SORCS2: variants seen among roughly 807,000 people sequenced by gnomAD.
SORCS2 encodes the protein VPS10 domain-containing receptor SorCS2.
Under a neutral mutation model 141.6 loss-of-function variants are expected in SORCS2, and 100 were observed. The ratio of observed to expected loss-of-function variants is 0.71; its 90% confidence interval spans 0.60 to 0.83. The LOEUF (loss-of-function observed/expected upper bound fraction) is 0.83, where lower values mean the gene tolerates loss of function less well. Among genes scored for constraint, SORCS2 ranks in the 40% least tolerant of loss-of-function variants. The pLI is 0.00. For missense variants in SORCS2, 1,646 were observed against 1,560.2 expected, an observed-to-expected ratio of 1.05 and a Z score of -0.93; for synonymous variants, 789 against 676.9, an observed-to-expected ratio of 1.17 and a Z score of -2.57.
chr4:7,488,786 C>A (rs746811131), intron 2 of SORCS2, among the ~76,000 whole-genome samples: 7 of 152,222 alleles, frequency 4.6e-5, no homozygotes, highest in Non-Finnish European at 7.3e-5. Context: ...CTTCCTGTTG[C>A]TCCTGTCTTC....
intron 2 of SORCS2, among the ~76,000 whole-genome samples, chr4:7,473,794 C>T (rs1187244753): frequency 1.3e-5 from 2 of 151,992 alleles, no homozygotes; most frequent in Non-Finnish European, 2.9e-5. Context: ...ACCAGGGACC[C>T]GGAGGCTGGT....
chr4:7,713,536 A>G (rs1276154699), intron 15 of SORCS2, among the ~76,000 whole-genome samples: 1 of 152,170 alleles, frequency 6.6e-6, no homozygotes, highest in Non-Finnish European at 1.5e-5. Context: ...TGAATTCAGC[A>G]TGGGCAAATG....
chr4:7,357,666 A>G (rs1467710595), intron 1 of SORCS2, among the ~76,000 whole-genome samples: 2 of 152,172 alleles, frequency 1.3e-5, no homozygotes, highest in Non-Finnish European at 1.5e-5. Flanking sequence ...GGGGAAATGG[A>G]GAGAAGTCAA....
chr4:7,648,949 G>A lies in SORCS2; in HGVS notation c.814-5185G>A, dbSNP rs534829227. Among the ~76,000 whole-genome samples the A allele has an allele frequency of 8.5e-5, 13 of 152,272 alleles. 1 individual carries two copies. In the South Asian group the frequency reaches 1.9e-3, roughly 22 times the overall value. ...TTCTGAGCGTAGCATGAGGGGACAC[G>A]CCTGGGGATCCCTCCCCCGAGCCCA... On this transcript the variant is annotated intron_variant, in intron 4 of 26. Transcript: ENST00000507866. The surrounding 1 kb of genome is among the most constrained non-coding windows in gnomAD (Gnocchi z 4.2).
intron 2 of SORCS2, among the ~76,000 whole-genome samples, chr4:7,462,845 G>T (rs1007152909): frequency 3.3e-5 from 5 of 149,776 alleles, no homozygotes; most frequent in Non-Finnish European, 5.9e-5. Context: ...CTCGCCAGAG[G>T]GAGCGCTCAC....
intron 1 of SORCS2, among the ~76,000 whole-genome samples, chr4:7,328,473 TG>T (rs1719427270): frequency 6.6e-6 from 1 of 152,132 alleles, no homozygotes; most frequent in African/African-American, 2.4e-5. Context: ...GCTTCAAAGC[TG>T]GGACTGAGGC....
intron 2 of SORCS2, among the ~76,000 whole-genome samples, chr4:7,438,957 A>G (rs906594872): frequency 1.3e-5 from 2 of 151,982 alleles, no homozygotes; most frequent in Admixed American, 1.3e-4. Flanking sequence ...CTTCTTTGGC[A>G]CTTCTGTACT....
At chr4:7,735,117 G>A (rs917697410) in intron 25 of SORCS2, among the ~76,000 whole-genome samples, 8 of 152,184 alleles carry the variant, frequency 5.3e-5, no homozygotes, top group African/African-American at 1.9e-4. Flanking sequence ...ACCCGGCCCC[G>A]GCAGCATCAC....
chr4:7,258,986 T>A (rs1010918720), intron 1 of SORCS2, among the ~76,000 whole-genome samples: 1 of 152,342 alleles, frequency 6.6e-6, no homozygotes, highest in Middle Eastern at 3.4e-3. Context: ...TGTTTTTTTC[T>A]TATAAATGTG....
intron 2 of SORCS2, among the ~76,000 whole-genome samples, chr4:7,509,033 T>C (rs956364804): frequency 6.6e-6 from 1 of 152,160 alleles, no homozygotes; most frequent in African/African-American, 2.4e-5. Flanking sequence ...CACGGCGACC[T>C]TTCGTGGGTA....
intron 15 of SORCS2, among the ~76,000 whole-genome samples, chr4:7,713,248 A>G (rs1725947040): frequency 6.6e-6 from 1 of 152,102 alleles, no homozygotes; most frequent in African/African-American, 2.4e-5. Flanking sequence ...TGTAATTGAG[A>G]CACATAACTG....
chr4:7,691,278 T>G (rs1724232436), intron 11 of SORCS2, among the ~76,000 whole-genome samples: 1 of 152,138 alleles, frequency 6.6e-6, no homozygotes, highest in Non-Finnish European at 1.5e-5. Context: ...TGGCCCAGGG[T>G]GGGCCCTCCA....
chr4:7,237,065 CA>C (rs1712336353), intron 1 of SORCS2, among the ~76,000 whole-genome samples: 1 of 152,168 alleles, frequency 6.6e-6, no homozygotes, highest in South Asian at 2.1e-4. Flanking sequence ...TGGTCACTGG[CA>C]GCTATTTTTA....
At chr4:7,260,526 G>A (rs1294164289) in intron 1 of SORCS2, among the ~76,000 whole-genome samples, 1 of 152,230 alleles carries the variant, frequency 6.6e-6, no homozygotes. Context: ...ACAGTTGTTT[G>A]TGGAATGAAT....
chr4:7,561,152 T>C (rs183368536), intron 3 of SORCS2, among the ~76,000 whole-genome samples: 39 of 152,274 alleles, frequency 2.6e-4, no homozygotes, highest in Admixed American at 7.2e-4. Context: ...TCCTACTCAG[T>C]ATAGATCTGG....
intron 1 of SORCS2, among the ~76,000 whole-genome samples, chr4:7,272,469 A>G (rs1213881629): frequency 6.6e-6 from 1 of 152,244 alleles, no homozygotes; most frequent in Non-Finnish European, 1.5e-5. Flanking sequence ...GAATGTACAG[A>G]TATGTGCTAT....
At chr4:7,699,269 C>T (rs981328631) in intron 12 of SORCS2, among the ~76,000 whole-genome samples, 16 of 152,112 alleles carry the variant, frequency 1.1e-4, no homozygotes, top group African/African-American at 3.6e-4. Context: ...CTGCAGCCTG[C>T]CAGTGGGGTT....
chr4:7,436,065 C>T (rs1727280932), intron 2 of SORCS2, among the ~76,000 whole-genome samples: 1 of 152,252 alleles, frequency 6.6e-6, no homozygotes, highest in Non-Finnish European at 1.5e-5. Flanking sequence ...CTGCTGGGTA[C>T]AGGGGTCAGG....
chr4:7,382,224 G>C (rs944095405), intron 1 of SORCS2, among the ~76,000 whole-genome samples: 18 of 152,116 alleles, frequency 1.2e-4, no homozygotes, highest in Admixed American at 1.0e-3. Context: ...TGGGGGTCTT[G>C]GTCTCCAAAG....
Sources: gnomAD v4.1 joint callset for allele counts (sites outside exome capture counted in the v4.1 genomes callset) on GRCh38, gnomAD v4.1.1 for gene constraint, Gnocchi (gnomAD v3.1) non-coding constraint, MANE v1.5 for transcripts, NCBI Gene and HGNC (gene_info 2026-07-23, HGNC 2026-07-21) for gene names.